Variants in PDE4DIP observed in about 807,000 individuals in gnomAD.
PDE4DIP encodes phosphodiesterase 4D interacting protein.
PDE4DIP carries 59 observed loss-of-function variants against 221.4 expected under a neutral mutation model. The observed-to-expected ratio is 0.27, with a 90% CI of 0.22 to 0.33. The LOEUF is 0.33. PDE4DIP is among the 10% of genes least tolerant of loss of function. The probability of loss-of-function intolerance (pLI) is 1.00; values close to 1 mark genes in which losing one functional copy is unlikely to be tolerated. For synonymous variants in PDE4DIP, 404 were observed against 815.9 expected (o/e 0.50, Z 8.60); for missense variants, 1,036 against 2,154.2 (o/e 0.48, Z 10.28).
exon 30 of PDE4DIP, chr1:149,009,790 A>G (rs782061739): frequency 6.3e-7 from 1 of 1,582,378 alleles, no homozygotes; most frequent in African/African-American, 1.3e-5. Flanking sequence ...CCAGTCACTC[A>G]GGTAGCCTCC....
intron 1 of PDE4DIP, among the ~76,000 whole-genome samples, chr1:148,919,915 C>T (rs1459178466): frequency 3.4e-5 from 5 of 145,496 alleles, no homozygotes; most frequent in African/African-American, 1.1e-4. Flanking sequence ...TTGCTTCCTA[C>T]TATCTTGCAA....
rs2063286500 is a variant in PDE4DIP at position 148,992,284 on chromosome 1, A to G, written c.2904+311A>G. 3.8e-6 allele frequency: 6 copies of G among 1,586,120 alleles called. No individual in the cohort carries two copies. In the African/African-American group the frequency reaches 8.0e-5, roughly 21 times the overall value. Reference sequence around the variant, plus strand: ...AGCTTCAGAAGCATTTTTACTTGCAAGACGATGGACACATTCCCCTTGGGC... The same window carrying G: ...AGCTTCAGAAGCATTTTTACTTGCAGGACGATGGACACATTCCCCTTGGGC... On this transcript the variant is annotated intron_variant, in intron 22 of 43. Coordinates refer to ENST00000369354, the Ensembl canonical transcript of PDE4DIP.
chr1:148,867,931 C>T (rs1233088446), intron 2 of PDE4DIP, among the ~76,000 whole-genome samples: 3 of 149,970 alleles, frequency 2.0e-5, no homozygotes, highest in African/African-American at 7.3e-5. Flanking sequence ...ACTCAACTGG[C>T]TGCAACTTTC....
At chr1:148,977,486 A>G (rs1470703677) in intron 17 of PDE4DIP, among the ~76,000 whole-genome samples, 1 of 130,934 alleles carries the variant, frequency 7.6e-6, no homozygotes, top group African/African-American at 3.0e-5. Flanking sequence ...ATCAGGAGTC[A>G]TGTAATGTTT....
At chr1:148,967,877 C>T in exon 13 of PDE4DIP, 2 of 1,036,206 alleles carry the variant, frequency 1.9e-6, no homozygotes, top group South Asian at 1.3e-5. Flanking sequence ...TTACAGACGT[C>T]TCTTCATGAT....
intron 21 of PDE4DIP, chr1:148,983,818 A>C (rs1307099161): frequency 6.6e-6 from 1 of 152,442 alleles, no homozygotes; most frequent in African/African-American, 2.4e-5. Context: ...AAAAATAATG[A>C]AGTAAATTTT....
In PDE4DIP at chr1:148,892,555, T is replaced by C. The variant is rs1698987733; in HGVS notation, c.141+2661T>C. Among the ~76,000 whole-genome samples, 2 of 121,022 alleles carry C rather than the reference T, an allele frequency of 1.7e-5. 1 individual carries two copies. Among genetic ancestry groups the C allele is most frequent in the Non-Finnish European group, 3.3e-5 (2 of 60,328 alleles). 79.4% of individuals were successfully genotyped at this position (121,022 alleles called of 152,430 possible). ...GACTCTAGTATTGCCATGGGTCCCA[T>C]ACAGGAAGTAGATATGGCCCTGTCT... On this transcript the variant is annotated intron_variant, in intron 1 of 43. Transcript: ENST00000369354.
chr1:149,005,373 C>A (rs2066707353), exon 27 of PDE4DIP: 1 of 1,612,522 alleles, frequency 6.2e-7, no homozygotes, highest in Non-Finnish European at 8.5e-7. Flanking sequence ...GCTGGAGGCC[C>A]AGCTCCCAAA....
chr1:148,979,469 C>T (rs587731156), intron 19 of PDE4DIP, among the ~76,000 whole-genome samples: 4 of 152,302 alleles, frequency 2.6e-5, no homozygotes, highest in East Asian at 1.9e-4. Flanking sequence ...TTCCCTCTTA[C>T]TCCTTTTTCT....
intron 22 of PDE4DIP, chr1:148,992,668 A>C (rs2152392729): frequency 9.0e-7 from 1 of 1,110,372 alleles, no homozygotes; most frequent in East Asian, 4.4e-5. Flanking sequence ...GTGATCTCAC[A>C]AGCACTCACC....
At chr1:149,000,043 C>T (rs1553572851) in intron 23 of PDE4DIP, among the ~76,000 whole-genome samples, 2 of 151,820 alleles carry the variant, frequency 1.3e-5, no homozygotes, top group Non-Finnish European at 2.9e-5. Flanking sequence ...TACCTATCCC[C>T]TTTTTCTTTA....
intron 1 of PDE4DIP, among the ~76,000 whole-genome samples, chr1:148,844,208 G>A (rs1571707553): frequency 9.7e-6 from 1 of 103,604 alleles, no homozygotes; most frequent in African/African-American, 2.9e-5. Flanking sequence ...GACCTTCGTT[G>A]GGATGGGCGA....
rs587769449 is a variant in PDE4DIP at position 148,865,158 on chromosome 1, G to A, written c.289+1853G>A. On this transcript the variant is annotated intron_variant, in intron 2 of 45. Coordinates refer to the PDE4DIP transcript ENST00000524974. ...GGCTGGAGTGCAGTGGTGCCGTCTC[G>A]GCTCACTGCAACCTCCGCCTCCCAG... Among the ~76,000 whole-genome samples the A allele has an allele frequency of 6.1e-3, 847 of 137,976 alleles. 16 individuals are homozygous for A. Among genetic ancestry groups the A allele is most frequent in the African/African-American group, 0.024 (813 of 33,928 alleles). The allele number at this position is 137,976 out of a possible 152,430, so 90.5% of individuals were successfully genotyped here. A position where few individuals can be genotyped will look rare whatever the true frequency, so the allele number is the denominator to read the frequency against.
In PDE4DIP at chr1:148,992,388, G is replaced by A. The variant is rs2063314826; in HGVS notation, c.2904+415G>A. 6.8e-6 allele frequency: 10 copies of A among 1,473,646 alleles called. No homozygotes were observed. In the South Asian group the frequency reaches 1.3e-4, roughly 19 times the overall value. 91.3% of individuals were successfully genotyped at this position (1,473,646 alleles called of 1,614,324 possible). On this transcript the variant is annotated intron_variant, in intron 22 of 43. Coordinates refer to ENST00000369354, the Ensembl canonical transcript of PDE4DIP. The stretch of plus-strand genomic sequence containing the variant: ...GGGGAGGTGGCAGGGCGGAGGACCT[G>A]CTTGGGAAGAAACTCCAAGAAGATT...
At position 148,966,935 on chromosome 1, in the gene PDE4DIP, A is replaced by T; in HGVS notation, c.1564A>T (p.Arg522Ter). 6.2e-7 allele frequency: 1 copy of T among 1,613,412 alleles called. No homozygotes were observed. The highest frequency in any genetic ancestry group is 8.5e-7 in the Non-Finnish European group (1 of 1,179,446). ...GAGAGAGCGAGATCATGACTTAGAG[A>T]GACTGCGCGATGTCCTCTCCTCCAA... The change falls in exon 12 of 44, where the codon AGA (arginine) becomes TGA (stop). Residue 522 changes from arginine to a stop codon, truncating the protein, a stop_gained. Transcript: ENST00000369354. LOFTEE classifies it high-confidence loss of function.
chr1:148,995,747 C>T (rs2064049329), intron 22 of PDE4DIP, among the ~76,000 whole-genome samples: 1 of 151,822 alleles, frequency 6.6e-6, no homozygotes, highest in African/African-American at 2.4e-5. Context: ...AATGAAAAGG[C>T]TAGATCCTGA....
exon 44 of PDE4DIP, chr1:149,032,682 T>A (rs1211421772): frequency 8.0e-5 from 18 of 224,886 alleles, no homozygotes; most frequent in Non-Finnish European, 1.2e-4. Flanking sequence ...CACTTCAAAG[T>A]TGCTGTCCCA....
intron 43 of PDE4DIP, 99 bp downstream of exon 46, chr1:149,030,377 C>T: frequency 5.8e-6 from 9 of 1,539,732 alleles, no homozygotes; most frequent in Non-Finnish European, 7.9e-6. Flanking sequence ...CTGCTTTGGC[C>T]TTCCAGGAGA....
At chr1:148,821,978 C>G (rs1424831155) in intron 1 of PDE4DIP, among the ~76,000 whole-genome samples, 1 of 145,932 alleles carries the variant, frequency 6.9e-6, no homozygotes. Flanking sequence ...AAAACAAAAC[C>G]AACAAAGAAG....
Sources: gnomAD v4.1 joint callset for allele counts (sites outside exome capture counted in the v4.1 genomes callset) on GRCh38, gnomAD v4.1.1 for gene constraint, MANE v1.5 for transcripts, NCBI Gene and HGNC (gene_info 2026-07-23, HGNC 2026-07-21) for gene names.